Variants in CYTH3 observed in about 807,000 individuals in gnomAD.
CYTH3 encodes the protein cytohesin-3.
A neutral mutation model predicts 55.1 loss-of-function variants in CYTH3; 23 were observed. The ratio of observed to expected loss-of-function variants is 0.42; its 90% confidence interval spans 0.30 to 0.59. The LOEUF (loss-of-function observed/expected upper bound fraction) is 0.59. Ranked by LOEUF, CYTH3 falls within the 20% of genes least tolerant of loss-of-function variation. The probability of loss-of-function intolerance (pLI) is 0.20; values close to 1 mark genes in which losing one functional copy is unlikely to be tolerated. For synonymous variants in CYTH3, 249 were observed against 194.9 expected (o/e 1.28, Z -2.31); for missense variants, 413 against 524.8 (o/e 0.79, Z 2.08).
At chr7:6,229,718 G>A (rs1317746984) in intron 1 of CYTH3, among the ~76,000 whole-genome samples, 2 of 151,212 alleles carry the variant, frequency 1.3e-5, no homozygotes, top group Admixed American at 6.6e-5. Flanking sequence ...AGAGGAAGCT[G>A]AGGCAAGAGA....
chr7:6,199,435 G>A (rs1471031597), intron 1 of CYTH3, among the ~76,000 whole-genome samples: 1 of 152,124 alleles, frequency 6.6e-6, no homozygotes, highest in African/African-American at 2.4e-5. Context: ...AGGATCTGGA[G>A]CCCAAGAGTT....
At chr7:6,180,969 T>G (rs1158928890) in intron 4 of CYTH3, among the ~76,000 whole-genome samples, 2 of 152,234 alleles carry the variant, frequency 1.3e-5, no homozygotes, top group African/African-American at 4.8e-5. Flanking sequence ...TATTTGGTAC[T>G]TTCTATTTCA....
chr7:6,173,122 G>A (rs1472242897), intron 6 of CYTH3: 3 of 962,794 alleles, frequency 3.1e-6, no homozygotes, highest in African/African-American at 1.8e-5. Flanking sequence ...ACGCGACTCA[G>A]CCAGGGCACC....
At chr7:6,201,289 C>G (rs918618381) in intron 1 of CYTH3, among the ~76,000 whole-genome samples, 4 of 152,152 alleles carry the variant, frequency 2.6e-5, no homozygotes, top group Admixed American at 6.5e-5. Context: ...AGTGGCATGC[C>G]GCAGCTAGCC....
At chr7:6,261,218 C>T (rs1780343201) in intron 1 of CYTH3, among the ~76,000 whole-genome samples, 1 of 152,002 alleles carries the variant, frequency 6.6e-6, no homozygotes, top group East Asian at 1.9e-4. Context: ...AGCCAAAATA[C>T]CAAACAGAAA....
intron 1 of CYTH3, among the ~76,000 whole-genome samples, chr7:6,243,727 T>C (rs1779734237): frequency 6.6e-6 from 1 of 152,130 alleles, no homozygotes; most frequent in Non-Finnish European, 1.5e-5. Context: ...ACTTACCCAA[T>C]GAATTGATGA....
At chr7:6,246,771 T>C (rs1779831471) in intron 1 of CYTH3, among the ~76,000 whole-genome samples, 1 of 150,880 alleles carries the variant, frequency 6.6e-6, no homozygotes. Context: ...TCTCTTTCCA[T>C]TACATATCTT....
intron 1 of CYTH3, among the ~76,000 whole-genome samples, chr7:6,198,700 G>T (rs1430540741): frequency 6.6e-6 from 1 of 151,768 alleles, no homozygotes; most frequent in East Asian, 1.9e-4. Flanking sequence ...GTAATATATG[G>T]ATATGGTTAC....
rs1220388875 is a variant in CYTH3 at position 6,200,446 on chromosome 7, C to T, written c.35-9915G>A. ...TGTAAGTCAAATGTGATAATACGTA[C>T]CCTGAACAAAAATTTGGTCATTTAA... is the stretch of plus-strand genomic sequence containing the variant. On this transcript the variant is annotated intron_variant, in intron 1 of 12. Transcript: ENST00000350796. Among the ~76,000 whole-genome samples, 5 of 152,186 alleles carry T rather than the reference C, an allele frequency of 3.3e-5. No homozygotes were observed. The South Asian group carries it at 8.3e-4, about 25-fold the overall frequency.
intron 5 of CYTH3, among the ~76,000 whole-genome samples, chr7:6,177,164 G>A (rs549893738): frequency 6.6e-6 from 1 of 152,338 alleles, no homozygotes; most frequent in South Asian, 2.1e-4. Flanking sequence ...ATCAGGTAGT[G>A]CTGGCCTCAG....
intron 2 of CYTH3, among the ~76,000 whole-genome samples, chr7:6,189,319 C>T (rs3793207): frequency 0.35 from 53,603 of 151,032 alleles, 15,149 homozygotes; most frequent in East Asian, 0.76. Context: ...TTTACTTTTT[C>T]TTTTTTTTAG....
At chr7:6,271,609 T>C (rs1780659990) in intron 1 of CYTH3, among the ~76,000 whole-genome samples, 2 of 152,138 alleles carry the variant, frequency 1.3e-5, no homozygotes, top group African/African-American at 4.8e-5. Context: ...GTTTTTAAAA[T>C]CTAATTCCCA....
At chr7:6,202,842 G>C (rs1290873757) in intron 1 of CYTH3, among the ~76,000 whole-genome samples, 1 of 151,946 alleles carries the variant, frequency 6.6e-6, no homozygotes, top group African/African-American at 2.4e-5. Flanking sequence ...ATGAACATAA[G>C]TGAAAAAAAG....
chr7:6,197,596 A>G (rs117006042), intron 1 of CYTH3, among the ~76,000 whole-genome samples: 2,022 of 152,214 alleles, frequency 0.013, 26 homozygotes, highest in Middle Eastern at 0.061. Flanking sequence ...AGCAGGAGAA[A>G]TGCTTGAACC....
chr7:6,190,556 C>G, intron 1 of CYTH3, 25 bp from the exon 2 acceptor site: 1 of 1,470,544 alleles, frequency 6.8e-7, no homozygotes. Flanking sequence ...AAATAATTAA[C>G]TACTTTGGAG....
chr7:6,255,842 C>G (rs892853082), intron 1 of CYTH3, among the ~76,000 whole-genome samples: 1 of 143,318 alleles, frequency 7.0e-6, no homozygotes, highest in Non-Finnish European at 1.5e-5. Context: ...CTGCTCACTA[C>G]AAGCTCCGCC....
intron 1 of CYTH3, among the ~76,000 whole-genome samples, chr7:6,222,955 T>C (rs562150218): frequency 6.6e-6 from 1 of 152,322 alleles, no homozygotes; most frequent in Non-Finnish European, 1.5e-5. Context: ...CAATCAATAA[T>C]TAATAAATGT....
chr7:6,220,266 T>C (rs1012996323), intron 1 of CYTH3, among the ~76,000 whole-genome samples: 15 of 152,148 alleles, frequency 9.9e-5, no homozygotes, highest in African/African-American at 3.6e-4. Context: ...TCAATAAATA[T>C]TGCTGCAGCA....
intron 1 of CYTH3, among the ~76,000 whole-genome samples, chr7:6,257,736 C>T (rs1780166246): frequency 6.6e-6 from 1 of 152,158 alleles, no homozygotes; most frequent in South Asian, 2.1e-4. Flanking sequence ...TGAAACCTAC[C>T]TGCTGCTACA....
Sources: gnomAD v4.1 joint callset for allele counts (sites outside exome capture counted in the v4.1 genomes callset) on GRCh38, gnomAD v4.1.1 for gene constraint, MANE v1.5 for transcripts, NCBI Gene and HGNC (gene_info 2026-07-23, HGNC 2026-07-21) for gene names.